The following LOXL4 variants were observed in gnomAD, a reference collection of about 807,000 sequenced individuals.
The protein encoded by LOXL4 is lysyl oxidase homolog 4.
A neutral mutation model predicts 89.1 loss-of-function variants in LOXL4; 72 were observed. That is an observed-to-expected ratio of 0.81 (90% CI 0.67 to 0.98). The LOEUF (loss-of-function observed/expected upper bound fraction) is 0.98, where lower values mean the gene tolerates loss of function less well. Among genes scored for constraint, LOXL4 ranks in the 50% least tolerant of loss-of-function variants. The pLI is 0.00. For missense variants in LOXL4, 984 were observed against 1,017.5 expected, an observed-to-expected ratio of 0.97 and a Z score of 0.45; for synonymous variants, 355 against 392.1, an observed-to-expected ratio of 0.91 and a Z score of 1.12.
chr10:98,252,625 C>T (rs564664927), intron 11 of LOXL4, among the ~76,000 whole-genome samples, 157 bp from the exon 12 acceptor site: 6 of 152,330 alleles, frequency 3.9e-5, no homozygotes, highest in African/African-American at 7.2e-5. Context: ...ATTAGTGTGA[C>T]GCACAGCCTC....
chr10:98,248,904 A>G lies in LOXL4; in HGVS notation c.*17T>C. 1 of 1,607,348 alleles carries G rather than the reference A, an allele frequency of 6.2e-7. No individual in the cohort carries two copies. The highest frequency in any genetic ancestry group is 8.5e-7 in the Non-Finnish European group (1 of 1,175,064). ...ATCTGGTGTATCGGCAGCAGCTAGG[A>G]GTGTGCAGTGACAGCTTCAGATGAG... On this transcript the variant is annotated 3_prime_UTR_variant, in exon 15 of 15. Transcript: ENST00000260702.
chr10:98,260,054 A>G (rs948752524), intron 4 of LOXL4, among the ~76,000 whole-genome samples: 1 of 152,228 alleles, frequency 6.6e-6, no homozygotes, highest in Non-Finnish European at 1.5e-5. Context: ...GAGACTTCTC[A>G]CTTGATGGGA....
intron 9 of LOXL4, 84 bp from the exon 10 acceptor site, chr10:98,255,823 C>G (rs770303896): frequency 6.7e-6 from 10 of 1,495,208 alleles, no homozygotes; most frequent in Non-Finnish European, 9.1e-6. Context: ...CTCAGTCATA[C>G]CACCCCCACC....
In LOXL4 at chr10:98,252,391, T is replaced by G; in HGVS notation, c.1913A>C (p.Lys638Thr). ...TGTGTCCTCCAGACAGAAGCTGGCC[T>G]TGTGCCCCTCAGCCACCTTGGAGCC... ...LNGSKVAEGH[K>T]ASFCLEDTNC... is the part of the protein sequence containing the mutation. Residue 638 changes from lysine (K) to threonine (T), a missense_variant, in exon 12 of 15, where the codon AAG becomes ACG. By Grantham distance (78) the Lys-to-Thr change is moderately conservative. Coordinates refer to ENST00000260702, the MANE Select transcript of LOXL4 (RefSeq NM_032211.7). 2 of 1,614,110 alleles carry G rather than the reference T, an allele frequency of 1.2e-6. No homozygotes were observed. Among genetic ancestry groups the G allele is most frequent in the Non-Finnish European group, 1.7e-6 (2 of 1,179,992 alleles).
intron 14 of LOXL4, among the ~76,000 whole-genome samples, chr10:98,249,916 C>G (rs1270221714): frequency 6.6e-6 from 1 of 152,192 alleles, no homozygotes; most frequent in Non-Finnish European, 1.5e-5. Flanking sequence ...CCATCTGTTG[C>G]CACAGTTATT....
chr10:98,253,406 T>A, intron 11 of LOXL4, 147 bp downstream of exon 11: 1 of 1,132,168 alleles, frequency 8.8e-7, no homozygotes, highest in Non-Finnish European at 1.3e-6. Flanking sequence ...GCCGCTGTCC[T>A]CACTGCCTCC....
Position 98,255,916 on chromosome 10 carries a change from T to G in LOXL4, c.1429-177A>C, listed in dbSNP as rs1590878767. 7.8e-6 allele frequency: 5 copies of G among 645,042 alleles called. No homozygotes were observed. The East Asian group carries it at 1.5e-4, about 19-fold the overall frequency. 40.0% of individuals were successfully genotyped at this position (645,042 alleles called of 1,614,324 possible). On this transcript the variant is annotated intron_variant, in intron 9 of 14. Transcript: ENST00000260702. ...GGCAGTCCATGACACATTTGGACCCTTCTGATGTTAGAAATCCCCACCACA... is the reference window on the plus strand; with the variant it reads ...GGCAGTCCATGACACATTTGGACCCGTCTGATGTTAGAAATCCCCACCACA...
chr10:98,251,531 A>G (rs958603793), intron 13 of LOXL4, 35 bp downstream of exon 13: 1 of 1,610,164 alleles, frequency 6.2e-7, no homozygotes, highest in African/African-American at 1.3e-5. Flanking sequence ...TCTGGAGGAA[A>G]TCAGGCTCTG....
chr10:98,258,305 T>C, intron 6 of LOXL4, 141 bp from the exon 7 acceptor site: 1 of 795,228 alleles, frequency 1.3e-6, no homozygotes, highest in Non-Finnish European at 1.9e-6. Context: ...CCAGTCCTGC[T>C]TCTGACTTCC....
chr10:98,252,270 G>T, intron 12 of LOXL4, 83 bp downstream of exon 12: 2 of 1,065,958 alleles, frequency 1.9e-6, no homozygotes, highest in Non-Finnish European at 2.9e-6. Flanking sequence ...TGCTGAACAG[G>T]GCAGAGAGAA....
intron 12 of LOXL4, 118 bp downstream of exon 12, chr10:98,252,235 G>A (rs1858213106): frequency 1.4e-6 from 1 of 735,272 alleles, no homozygotes; most frequent in Admixed American, 2.5e-5. Flanking sequence ...AACTTTTCAA[G>A]CCAGGGTCTC....
chr10:98,249,120 T>A, intron 14 of LOXL4, 129 bp from the exon 15 acceptor site: 1 of 696,720 alleles, frequency 1.4e-6, no homozygotes, highest in Middle Eastern at 2.4e-4. Flanking sequence ...CAGACACCAA[T>A]CATTTTATAG....
Position 98,264,962 on chromosome 10 carries a change from C to T in LOXL4, c.-32-1911G>A, listed in dbSNP as rs149871694. On this transcript the variant is annotated intron_variant, in intron 1 of 14. Coordinates refer to ENST00000260702, the MANE Select transcript of LOXL4 (RefSeq NM_032211.7). ...TTCCATGGATGGCATCTGCCCTACT[C>T]CCTCTCAACGGCCTTGGCCAGCAGG... is the stretch of plus-strand genomic sequence containing the variant. 5.2e-3 allele frequency among the ~76,000 whole-genome samples: 794 copies of T among 152,354 alleles called. 3 individuals carry two copies. The highest frequency in any genetic ancestry group is 7.4e-3 in the Non-Finnish European group (502 of 68,032).
intron 1 of LOXL4, among the ~76,000 whole-genome samples, chr10:98,264,214 C>T (rs1858626669): frequency 6.6e-6 from 1 of 150,720 alleles, no homozygotes; most frequent in Admixed American, 6.6e-5. Context: ...ACATCGAACA[C>T]CCTCCCTACC....
chr10:98,254,058 C>T (rs878177), intron 10 of LOXL4, among the ~76,000 whole-genome samples: 45,212 of 152,050 alleles, frequency 0.3, 8,209 homozygotes, highest in East Asian at 0.57. Context: ...TCTTGGCTTA[C>T]TTTCTGACTG....
At position 98,259,022 on chromosome 10, in the gene LOXL4, C is replaced by T. The variant is rs139729484; in HGVS notation, c.908G>A (p.Gly303Glu). The T allele has an allele frequency of 5.4e-5, 84 of 1,551,460 alleles. 1 individual carries two copies. In the African/African-American group the frequency reaches 1.1e-3, roughly 19 times the overall value. ...RPPKTKPQRK[G>E]SWAEEPRVRL... is the part of the protein sequence containing the mutation. ...CCCAGGGCTCACCTCTGCCCAGGAC[C>T]CTTTGCGTTGTGGCTTTGTCTTCGG... Residue 303 changes from glycine (G) to glutamate (E), a missense_variant, in exon 6 of 15, where the codon GGG (glycine) becomes GAG (glutamate). Physicochemically the swap from Gly to Glu is moderately conservative, Grantham distance 98. Coordinates refer to ENST00000260702, the MANE Select transcript of LOXL4 (RefSeq NM_032211.7).
chr10:98,251,010 G>T, intron 14 of LOXL4, 55 bp downstream of exon 14: 1 of 1,269,464 alleles, frequency 7.9e-7, no homozygotes. Context: ...TACATTTACA[G>T]TGTTCCAGCT....
intron 3 of LOXL4, 111 bp from the exon 4 acceptor site, chr10:98,261,238 C>T: frequency 3.5e-6 from 4 of 1,145,382 alleles, no homozygotes; most frequent in Non-Finnish European, 5.0e-6. Flanking sequence ...GAGACCATCC[C>T]ACCCAGCCCG....
intron 9 of LOXL4, chr10:98,256,502 G>A: frequency 2.1e-6 from 1 of 471,616 alleles, no homozygotes; most frequent in Non-Finnish European, 3.8e-6. Flanking sequence ...TGGCCACAGG[G>A]CTTTTGCATA....
Sources: allele counts gnomAD v4.1 joint callset (sites outside exome capture counted in the v4.1 genomes callset), GRCh38; gene constraint gnomAD v4.1.1; transcripts MANE v1.5; gene names NCBI Gene and HGNC (gene_info 2026-07-23, HGNC 2026-07-21).